DCK: variants seen among roughly 807,000 people sequenced by gnomAD.
DCK encodes deoxyadenosine kinase.
Under a neutral mutation model 38.3 loss-of-function variants are expected in DCK, and 23 were observed. The ratio of observed to expected loss-of-function variants is 0.60; its 90% CI spans 0.43 to 0.85. The LOEUF (loss-of-function observed/expected upper bound fraction) is 0.85. Ranked by LOEUF, DCK falls within the 40% of genes least tolerant of loss-of-function variation. The probability of loss-of-function intolerance (pLI) is 0.00; values close to 1 mark genes in which losing one functional copy is unlikely to be tolerated. For missense variants in DCK, 259 were observed against 304.4 expected, an observed-to-expected ratio of 0.85 and a Z score of 1.11; for synonymous variants, 108 against 100.6, an observed-to-expected ratio of 1.07 and a Z score of -0.44.
At chr4:71,015,595 G>A (rs1740240448) in intron 2 of DCK, among the ~76,000 whole-genome samples, 1 of 152,160 alleles carries the variant, frequency 6.6e-6, no homozygotes, top group African/African-American at 2.4e-5. Context: ...ATGATCAATT[G>A]TGCTTCATCC....
intron 2 of DCK, among the ~76,000 whole-genome samples, chr4:71,000,945 A>G (rs1215315260): frequency 6.6e-6 from 1 of 152,168 alleles, no homozygotes; most frequent in Non-Finnish European, 1.5e-5. Flanking sequence ...CTAAATATAC[A>G]GTCATCATCT....
intron 2 of DCK, among the ~76,000 whole-genome samples, chr4:71,007,151 T>C (rs1739966077): frequency 6.6e-6 from 1 of 152,218 alleles, no homozygotes; most frequent in African/African-American, 2.4e-5. Flanking sequence ...GGACTAAATC[T>C]TAAAGGGGCT....
chr4:71,002,868 C>T lies in DCK; in HGVS notation c.207+4686C>T, dbSNP rs114782938. On this transcript the variant is annotated intron_variant, in intron 2 of 6. Coordinates refer to ENST00000286648, the MANE Select transcript of DCK (RefSeq NM_000788.3). The stretch of plus-strand genomic sequence containing the variant: ...TTTGTGTGTCTTTGCATGTGAGATG[C>T]GACTCCTGAATACCGCACACTGATG... Among the ~76,000 whole-genome samples, 925 of 152,110 alleles carry T rather than the reference C, an allele frequency of 6.1e-3. 4 individuals carry two copies. The highest frequency in any genetic ancestry group is 0.02 in the Middle Eastern group (6 of 294).
intron 2 of DCK, among the ~76,000 whole-genome samples, chr4:71,001,462 G>A (rs904957891): frequency 2.0e-4 from 30 of 151,984 alleles, no homozygotes; most frequent in Non-Finnish European, 3.4e-4. Flanking sequence ...TTTTTGTTGT[G>A]TCTCTGCCAG....
At chr4:71,010,674 A>G (rs1279542886) in intron 2 of DCK, among the ~76,000 whole-genome samples, 2 of 147,648 alleles carry the variant, frequency 1.4e-5, no homozygotes, top group Non-Finnish European at 3.0e-5. Flanking sequence ...AGTTATATAT[A>G]ATATAAAAAT....
At chr4:71,006,075 G>A (rs1286007450) in intron 2 of DCK, among the ~76,000 whole-genome samples, 7 of 130,010 alleles carry the variant, frequency 5.4e-5, no homozygotes, top group East Asian at 2.3e-4. Flanking sequence ...GCAGTGAGCC[G>A]AGATCGCGCC....
rs1412558054 is a variant in DCK, at chr4:71,003,825, G to T, written c.207+5643G>T. Among the ~76,000 whole-genome samples, 3 of 152,060 alleles carry T rather than the reference G, an allele frequency of 2.0e-5. No individual in the cohort carries two copies. In the South Asian group the frequency reaches 6.2e-4, roughly 32 times the overall value. On this transcript the variant is annotated intron_variant, in intron 2 of 6. Coordinates refer to ENST00000286648, the MANE Select transcript of DCK (RefSeq NM_000788.3). ...TCCATCAGGTCATTTATGTTCTTCT[G>T]TAAACTGGTTATTCTAGTTAGCAGT...
rs570781382 is a variant in DCK at position 71,002,891 on chromosome 4, A to G, written c.207+4709A>G. ...TGCGACTCCTGAATACCGCACACTG[A>G]TGGGTCTTAACTCTGTCTAATTTGC... On this transcript the variant is annotated intron_variant, in intron 2 of 6. Coordinates refer to ENST00000286648, the MANE Select transcript of DCK (RefSeq NM_000788.3). 6.6e-5 allele frequency among the ~76,000 whole-genome samples: 10 copies of G among 152,186 alleles called. No homozygotes were observed. The South Asian group carries it at 1.7e-3, about 25-fold the overall frequency.
At chr4:70,995,413 C>T (rs1739638176) in intron 1 of DCK, among the ~76,000 whole-genome samples, 1 of 152,130 alleles carries the variant, frequency 6.6e-6, no homozygotes, top group South Asian at 2.1e-4. Context: ...ATAGTGAGAA[C>T]TCATCTCCAC....
intron 2 of DCK, among the ~76,000 whole-genome samples, chr4:71,018,666 ATTT>A (rs11315015): frequency 8.2e-4 from 68 of 83,298 alleles, no homozygotes; most frequent in Non-Finnish European, 7.4e-4. Context: ...TATTTTTTAG[ATTT>A]TTTTTTTTTT....
intron 2 of DCK, among the ~76,000 whole-genome samples, chr4:71,018,126 CTTTTTTT>C (rs35755135): frequency 7.9e-6 from 1 of 126,836 alleles, no homozygotes; most frequent in African/African-American, 3.0e-5. Context: ...TAGATTATTT[CTTTTTTT>C]TTTTTTTTTT....
chr4:71,014,618 A>G (rs1740203785), intron 2 of DCK, among the ~76,000 whole-genome samples: 1 of 152,232 alleles, frequency 6.6e-6, no homozygotes, highest in East Asian at 1.9e-4. Context: ...TAAGAAACTT[A>G]CTCAAAACCG....
intron 2 of DCK, among the ~76,000 whole-genome samples, chr4:71,006,731 C>T (rs151079032): frequency 6.6e-6 from 1 of 152,016 alleles, no homozygotes; most frequent in East Asian, 1.9e-4. Flanking sequence ...CTGCTTGAGC[C>T]CAAGAAATTG....
chr4:71,028,831 C>T (rs1192907367), intron 6 of DCK: 1 of 293,464 alleles, frequency 3.4e-6, no homozygotes, highest in South Asian at 2.7e-5. Flanking sequence ...GATCTCAGCT[C>T]ACCACAACCT....
chr4:71,023,327 C>T (rs1424239791), intron 3 of DCK, among the ~76,000 whole-genome samples: 1 of 152,160 alleles, frequency 6.6e-6, no homozygotes, highest in Non-Finnish European at 1.5e-5. Flanking sequence ...ATGAAGTAAT[C>T]TGGCCTCTCA....
intron 5 of DCK, 47 bp downstream of exon 5, chr4:71,025,978 C>G: frequency 6.8e-7 from 1 of 1,460,474 alleles, no homozygotes; most frequent in Non-Finnish European, 9.0e-7. Flanking sequence ...CCTTTGTTAC[C>G]TTTGTTAAAT....
intron 2 of DCK, among the ~76,000 whole-genome samples, chr4:71,012,649 C>G (rs1453875472): frequency 6.6e-6 from 1 of 152,210 alleles, no homozygotes; most frequent in Non-Finnish European, 1.5e-5. Context: ...GATACCCAGG[C>G]AAACAGGGTC....
At chr4:71,011,502 C>A (rs1179429319) in intron 2 of DCK, among the ~76,000 whole-genome samples, 3 of 151,934 alleles carry the variant, frequency 2.0e-5, no homozygotes, top group African/African-American at 7.3e-5. Context: ...GACTACAGGC[C>A]CACACCAACA....
At chr4:71,013,276 C>T (rs1396035233) in intron 2 of DCK, among the ~76,000 whole-genome samples, 9 of 152,124 alleles carry the variant, frequency 5.9e-5, no homozygotes, top group East Asian at 1.9e-4. Flanking sequence ...ACCAAATCTG[C>T]GTCTGATTGG....
Sources: allele counts gnomAD v4.1 joint callset (sites outside exome capture counted in the v4.1 genomes callset), GRCh38; gene constraint gnomAD v4.1.1; transcripts MANE v1.5; gene names NCBI Gene and HGNC (gene_info 2026-07-23, HGNC 2026-07-21).